Variants in CHRNA7 observed in about 807,000 individuals in gnomAD.
CHRNA7 encodes the protein neuronal acetylcholine receptor subunit alpha-7.
Under a neutral mutation model 48.0 loss-of-function variants are expected in CHRNA7, and 17 were observed. The ratio of observed to expected loss-of-function variants is 0.35; its 90% CI spans 0.24 to 0.53. The LOEUF is 0.53. Among genes scored for constraint, CHRNA7 ranks in the 20% least tolerant of loss-of-function variants. The pLI, the probability that CHRNA7 is intolerant of heterozygous loss-of-function variation, is 0.92. For synonymous variants in CHRNA7, 75 were observed against 242.3 expected (o/e 0.31, Z 6.41); for missense variants, 155 against 577.7 (o/e 0.27, Z 7.50).
At chr15:32,030,728 C>A in intron 1 of CHRNA7, 79 bp downstream of exon 1, 1 of 1,533,454 alleles carries the variant, frequency 6.5e-7, no homozygotes, top group South Asian at 1.2e-5. Context: ...CGCCCCGCGC[C>A]TGGGCCAGGT....
chr15:32,075,675 G>A (rs2050126083), intron 2 of CHRNA7, among the ~76,000 whole-genome samples: 1 of 151,538 alleles, frequency 6.6e-6, no homozygotes, highest in Admixed American at 6.6e-5. Flanking sequence ...TTTCTCTATT[G>A]CTTGCTTTCA....
intron 2 of CHRNA7, among the ~76,000 whole-genome samples, chr15:32,080,531 A>G (rs1217769818): frequency 6.6e-6 from 1 of 152,212 alleles, no homozygotes; most frequent in Non-Finnish European, 1.5e-5. Context: ...GGCAACAAAC[A>G]TATGAAAAAA....
chr15:32,038,075 T>C (rs1402530618), intron 2 of CHRNA7, among the ~76,000 whole-genome samples: 1 of 147,374 alleles, frequency 6.8e-6, no homozygotes, highest in Non-Finnish European at 1.5e-5. Flanking sequence ...TATATATAAA[T>C]ATACATATGT....
At chr15:32,116,911 A>G (rs1241272771) in intron 4 of CHRNA7, among the ~76,000 whole-genome samples, 1 of 152,110 alleles carries the variant, frequency 6.6e-6, no homozygotes, top group Non-Finnish European at 1.5e-5. Context: ...TGTGTCTTTC[A>G]CTCATTTTCC....
chr15:32,091,547 C>G (rs2060394306), intron 2 of CHRNA7, among the ~76,000 whole-genome samples: 1 of 152,174 alleles, frequency 6.6e-6, no homozygotes, highest in African/African-American at 2.4e-5. Context: ...AGAGTGTACC[C>G]TGACCTGGTT....
chr15:32,034,546 C>T (rs1055240966), intron 2 of CHRNA7, among the ~76,000 whole-genome samples: 4 of 152,002 alleles, frequency 2.6e-5, no homozygotes, highest in Non-Finnish European at 4.4e-5. Flanking sequence ...GTGTGTGAGG[C>T]GTCCTGAGTT....
chr15:32,147,882 C>A (rs768762667), intron 4 of CHRNA7, among the ~76,000 whole-genome samples: 1 of 152,234 alleles, frequency 6.6e-6, no homozygotes, highest in Non-Finnish European at 1.5e-5. Flanking sequence ...TGCTTTCCCT[C>A]TGCAATCTGG....
intron 2 of CHRNA7, among the ~76,000 whole-genome samples, chr15:32,044,322 G>C (rs1016867982): frequency 6.7e-6 from 1 of 149,858 alleles, no homozygotes; most frequent in African/African-American, 2.5e-5. Flanking sequence ...GTGTTGCCCA[G>C]GTTGGAGTGC....
At chr15:32,114,655 C>T (rs1486246055) in intron 4 of CHRNA7, among the ~76,000 whole-genome samples, 1 of 152,222 alleles carries the variant, frequency 6.6e-6, no homozygotes, top group Non-Finnish European at 1.5e-5. Flanking sequence ...CCCGCAGGTC[C>T]ACATGAACCC....
At chr15:32,110,871 A>T (rs928082306) in intron 3 of CHRNA7, among the ~76,000 whole-genome samples, 9 of 152,214 alleles carry the variant, frequency 5.9e-5, no homozygotes, top group African/African-American at 2.2e-4. Context: ...GGTGCATCAC[A>T]TACCTTTCTG....
chr15:32,114,044 G>GTATATATATATATACACACA (rs1566848845), intron 4 of CHRNA7, among the ~76,000 whole-genome samples: 16 of 63,578 alleles, frequency 2.5e-4, no homozygotes, highest in South Asian at 1.4e-3. Context: ...ATATATATAT[G>GTATATATATATATACACACA]TATATATATA....
At chr15:32,097,724 C>T (rs917013166) in intron 2 of CHRNA7, among the ~76,000 whole-genome samples, 1 of 152,230 alleles carries the variant, frequency 6.6e-6, no homozygotes, top group Non-Finnish European at 1.5e-5. Flanking sequence ...ACTAAATGTG[C>T]ATATTTATTC....
intron 2 of CHRNA7, among the ~76,000 whole-genome samples, chr15:32,069,526 A>G (rs2050020408): frequency 6.6e-6 from 1 of 152,168 alleles, no homozygotes; most frequent in African/African-American, 2.4e-5. Context: ...GAATGGCTGT[A>G]GTCCCAACTC....
At chr15:32,101,204 C>G (rs1304251184) in intron 2 of CHRNA7, 99 bp from the exon 3 acceptor site, 7 of 1,293,486 alleles carry the variant, frequency 5.4e-6, no homozygotes, top group Non-Finnish European at 7.7e-6. Context: ...CCACACACAA[C>G]AACGCTCTCG....
At chr15:32,051,724 A>C (rs1363695617) in intron 2 of CHRNA7, among the ~76,000 whole-genome samples, 1 of 152,202 alleles carries the variant, frequency 6.6e-6, no homozygotes, top group Non-Finnish European at 1.5e-5. Flanking sequence ...AAATGCAGGA[A>C]TCACCCGTCT....
intron 4 of CHRNA7, among the ~76,000 whole-genome samples, chr15:32,145,912 C>T (rs1467464270): frequency 1.3e-5 from 2 of 152,164 alleles, no homozygotes; most frequent in Non-Finnish European, 2.9e-5. Context: ...TTTGGCTTGC[C>T]CTCCGTGGGT....
chr15:32,049,407 T>C (rs1479371451), intron 2 of CHRNA7, among the ~76,000 whole-genome samples: 2 of 152,160 alleles, frequency 1.3e-5, no homozygotes, highest in Non-Finnish European at 2.9e-5. Flanking sequence ...GTAATGGCCT[T>C]CTTTGTCTCT....
intron 4 of CHRNA7, among the ~76,000 whole-genome samples, chr15:32,132,552 T>C (rs1157404683): frequency 6.6e-6 from 1 of 152,170 alleles, no homozygotes; most frequent in Non-Finnish European, 1.5e-5. Flanking sequence ...TTCACACAAT[T>C]CTGGGAGCTG....
chr15:32,142,718 A>G (rs1426511264), intron 4 of CHRNA7, among the ~76,000 whole-genome samples: 2 of 152,184 alleles, frequency 1.3e-5, no homozygotes, highest in African/African-American at 4.8e-5. Context: ...AGGTGTTTAT[A>G]GTATTCTCTG....
Sources: allele counts gnomAD v4.1 joint callset (sites outside exome capture counted in the v4.1 genomes callset), GRCh38; gene constraint gnomAD v4.1.1; transcripts MANE v1.5; gene names NCBI Gene and HGNC (gene_info 2026-07-23, HGNC 2026-07-21).